Variants in ADAM2 observed in about 807,000 individuals in gnomAD.
ADAM2 encodes the protein disintegrin and metalloproteinase domain-containing protein 2.
A neutral mutation model predicts 99.3 loss-of-function variants in ADAM2; 101 were observed. The ratio of observed to expected loss-of-function variants is 1.02; its 90% CI spans 0.87 to 1.20. The LOEUF (loss-of-function observed/expected upper bound fraction) is 1.20. Among genes scored for constraint, ADAM2 ranks in the 50% most tolerant of loss-of-function variants. The pLI is 0.00. For missense variants in ADAM2, 948 were observed against 878.7 expected (o/e 1.08, Z -1.00); for synonymous variants, 323 against 287.6 (o/e 1.12, Z -1.25).
intron 7 of ADAM2, among the ~76,000 whole-genome samples, chr8:39,795,319 T>G (rs996536712): frequency 1.3e-5 from 2 of 152,066 alleles, no homozygotes; most frequent in Admixed American, 6.6e-5. Flanking sequence ...GGGTCAGACA[T>G]GCCTCAGTAT....
At chr8:39,753,598 A>T (rs1026435167) in intron 16 of ADAM2, among the ~76,000 whole-genome samples, 1 of 152,184 alleles carries the variant, frequency 6.6e-6, no homozygotes, top group Non-Finnish European at 1.5e-5. Context: ...CTAGGAGGGA[A>T]AAATGGTTTC....
At chr8:39,813,193 A>G (rs1412984347) in intron 6 of ADAM2, among the ~76,000 whole-genome samples, 1 of 152,232 alleles carries the variant, frequency 6.6e-6, no homozygotes, top group African/African-American at 2.4e-5. Context: ...TGGCCATCAG[A>G]GAAATGCAAG....
At chr8:39,747,509 T>C (rs182904705) in intron 18 of ADAM2, among the ~76,000 whole-genome samples, 3 of 152,268 alleles carry the variant, frequency 2.0e-5, no homozygotes, top group Admixed American at 6.5e-5. Flanking sequence ...CTAAGATATA[T>C]CAACTTAAGT....
At chr8:39,769,773 A>C (rs1802707350) in intron 11 of ADAM2, among the ~76,000 whole-genome samples, 198 bp from the exon 12 acceptor site, 1 of 152,134 alleles carries the variant, frequency 6.6e-6, no homozygotes. Flanking sequence ...ACTAATCCAT[A>C]AAGTTTTATT....
chr8:39,761,960 C>T lies in ADAM2; in HGVS notation c.1508-679G>A, dbSNP rs368083690. The stretch of plus-strand genomic sequence containing the variant: ...TTAGCCGGGCATGGTGGCAGGCGCC[C>T]GTAGTCCCAGCTACTTGGGAGGCTG... On this transcript the variant is annotated intron_variant, in intron 14 of 20. Coordinates refer to ENST00000265708, the MANE Select transcript of ADAM2 (RefSeq NM_001464.5). 2.3e-4 allele frequency among the ~76,000 whole-genome samples: 35 copies of T among 152,134 alleles called. No homozygotes were observed. The East Asian group carries it at 5.6e-3, about 24-fold the overall frequency.
In ADAM2 at chr8:39,788,214, G is replaced by T; in HGVS notation, c.680C>A (p.Ser227Ter). 2 of 1,561,882 alleles carry T rather than the reference G, an allele frequency of 1.3e-6. No homozygotes were observed. Among genetic ancestry groups the T allele is most frequent in the Non-Finnish European group, 8.7e-7 (1 of 1,148,338 alleles). The change falls in exon 9 of 21, where the codon TCA (serine) becomes TAA (stop). Residue 227 changes from serine (S) to a stop codon, truncating the protein, a stop_gained. Coordinates refer to ENST00000265708, the MANE Select transcript of ADAM2 (RefSeq NM_001464.5). LOFTEE classifies it high-confidence loss of function. The stretch of plus-strand genomic sequence containing the variant: ...ATTTTCATCTATCCAAAGCTCCAAT[G>T]AAGACAGAATAATTGTAATATTAAA... ...VSFNITIILS[S>*]LELWIDENKI...
At chr8:39,836,423 C>G (rs1258674256) in intron 2 of ADAM2, among the ~76,000 whole-genome samples, 1 of 151,772 alleles carries the variant, frequency 6.6e-6, no homozygotes, top group African/African-American at 2.4e-5. Context: ...GATATGCATT[C>G]CTTTAAAAAT....
intron 10 of ADAM2, among the ~76,000 whole-genome samples, chr8:39,785,820 CAGAA>C (rs1331450095): frequency 1.3e-5 from 2 of 148,414 alleles, no homozygotes; most frequent in Non-Finnish European, 3.0e-5. Context: ...AAAAGAAAGA[CAGAA>C]AGAAAATAAA....
At chr8:39,775,494 T>A (rs1802951453) in intron 11 of ADAM2, among the ~76,000 whole-genome samples, 1 of 152,136 alleles carries the variant, frequency 6.6e-6, no homozygotes, top group Non-Finnish European at 1.5e-5. Context: ...GAAAACCCGA[T>A]ATATTGTTTA....
chr8:39,778,152 T>C (rs903737626), intron 10 of ADAM2, among the ~76,000 whole-genome samples: 1 of 151,498 alleles, frequency 6.6e-6, no homozygotes, highest in Non-Finnish European at 1.5e-5. Flanking sequence ...ACATGAATTT[T>C]GGGAAAAATC....
intron 3 of ADAM2, among the ~76,000 whole-genome samples, chr8:39,829,435 C>T (rs1282936258): frequency 6.6e-6 from 1 of 151,906 alleles, no homozygotes; most frequent in Non-Finnish European, 1.5e-5. Context: ...TGGAGAAATA[C>T]ATATTAAATT....
intron 2 of ADAM2, among the ~76,000 whole-genome samples, chr8:39,836,138 A>G (rs931297481): frequency 6.6e-6 from 1 of 152,184 alleles, no homozygotes; most frequent in Non-Finnish European, 1.5e-5. Context: ...TGTTCTAGGC[A>G]AGAAGAATAC....
chr8:39,787,796 G>T (rs1179388064), intron 9 of ADAM2, among the ~76,000 whole-genome samples: 8 of 151,556 alleles, frequency 5.3e-5, no homozygotes, highest in Non-Finnish European at 1.0e-4. Flanking sequence ...TCTCCAAATA[G>T]ATATTGTGAA....
intron 7 of ADAM2, among the ~76,000 whole-genome samples, chr8:39,792,454 C>A (rs1170858624): frequency 6.6e-6 from 1 of 151,974 alleles, no homozygotes; most frequent in Non-Finnish European, 1.5e-5. Flanking sequence ...TTACAAAAGA[C>A]TGTAAGACTG....
At chr8:39,812,996 G>C (rs992940695) in intron 6 of ADAM2, among the ~76,000 whole-genome samples, 1 of 152,030 alleles carries the variant, frequency 6.6e-6, no homozygotes. Context: ...TATAGAATGG[G>C]AGAAAAGTTT....
intron 5 of ADAM2, among the ~76,000 whole-genome samples, 160 bp from the exon 6 acceptor site, chr8:39,821,330 G>C (rs1805179324): frequency 6.6e-6 from 1 of 152,142 alleles, no homozygotes; most frequent in South Asian, 2.1e-4. Flanking sequence ...CAAACTTACT[G>C]AGTGACACCG....
intron 7 of ADAM2, among the ~76,000 whole-genome samples, chr8:39,790,418 C>A (rs1180830574): frequency 1.3e-5 from 2 of 151,812 alleles, no homozygotes; most frequent in African/African-American, 4.8e-5. Context: ...AAAAAATAGT[C>A]ATAAATCATT....
chr8:39,745,799 G>C (rs993929407), intron 19 of ADAM2, among the ~76,000 whole-genome samples: 2 of 151,800 alleles, frequency 1.3e-5, no homozygotes, highest in Non-Finnish European at 2.9e-5. Context: ...ATATTACAAA[G>C]TTATTTAAGT....
At chr8:39,780,077 C>G (rs1803153828) in intron 10 of ADAM2, among the ~76,000 whole-genome samples, 1 of 152,120 alleles carries the variant, frequency 6.6e-6, no homozygotes, top group African/African-American at 2.4e-5. Context: ...CACAGTTTCA[C>G]ATGGCTGGGG....
Sources: gnomAD v4.1 joint callset for allele counts (sites outside exome capture counted in the v4.1 genomes callset) on GRCh38, gnomAD v4.1.1 for gene constraint, MANE v1.5 for transcripts, NCBI Gene and HGNC (gene_info 2026-07-23, HGNC 2026-07-21) for gene names.